The following LRRC43 variants were observed in gnomAD, a reference collection of about 807,000 sequenced individuals.
The protein encoded by LRRC43 is leucine-rich repeat-containing protein 43.
In LRRC43, 62 loss-of-function variants were observed where a neutral mutation model predicts 64.3. The observed-to-expected ratio is 0.96, with a 90% CI of 0.79 to 1.19. The LOEUF (loss-of-function observed/expected upper bound fraction) is 1.19, where lower values mean the gene tolerates loss of function less well. LRRC43 is among the 50% of genes most tolerant of loss of function. The probability of loss-of-function intolerance (pLI) is 0.00; values close to 1 mark genes in which losing one functional copy is unlikely to be tolerated. For synonymous variants in LRRC43, 422 were observed against 382.3 expected, an observed-to-expected ratio of 1.10 and a Z score of -1.21; for missense variants, 868 against 845.0, an observed-to-expected ratio of 1.03 and a Z score of -0.34.
chr12:122,200,411 T>A lies in LRRC43; in HGVS notation c.1491+81T>A, dbSNP rs769297586. The A allele has an allele frequency of 1.1e-5, 18 of 1,608,196 alleles. No homozygotes were observed. The highest frequency in any genetic ancestry group is 1.5e-5 in the Non-Finnish European group (18 of 1,176,748). On this transcript the variant is annotated intron_variant, in intron 8 of 11. Transcript: ENST00000339777. The surrounding 1 kb of genome is among the most constrained non-coding windows in gnomAD (Gnocchi z 4.6). The stretch of plus-strand genomic sequence containing the variant: ...CCTGTTCCCATCGGGCTGTCCCCCA[T>A]GGGAGCCGCACTCCCTGGTTAGATG...
In LRRC43 at chr12:122,184,126, G is replaced by A. The variant is rs1241116952; in HGVS notation, c.151-393G>A. Among the ~76,000 whole-genome samples the A allele has an allele frequency of 5.6e-5, 8 of 142,290 alleles. No individual in the cohort carries two copies. In the East Asian group the frequency reaches 1.4e-3, roughly 26 times the overall value. The allele number at this position is 142,290 out of a possible 152,430, so 93.3% of individuals were successfully genotyped here. ...TTTTTTTTTTTTGAGACGGAGTCTC[G>A]CTCTGTCACCCAGCCTGGAGTGCAG... On this transcript the variant is annotated intron_variant, in intron 1 of 11. Transcript: ENST00000339777. The surrounding 1 kb of genome is among the most constrained non-coding windows in gnomAD (Gnocchi z 4.0).
rs554837562 is a variant in LRRC43, at chr12:122,192,682, C to G, written c.1090-63C>G. Reference sequence around the variant, plus strand: ...TCGGGAGCTGTGTTACAGACACCCCCGGCATCAGCTGAGCACATCCTGAAG... The same window carrying G: ...TCGGGAGCTGTGTTACAGACACCCCGGGCATCAGCTGAGCACATCCTGAAG... On this transcript the variant is annotated intron_variant, in intron 6 of 11. Transcript: ENST00000339777. The G allele has an allele frequency of 8.2e-6, 13 of 1,577,946 alleles. No individual in the cohort carries two copies. The Admixed American group carries it at 8.4e-5, about 10-fold the overall frequency.
In LRRC43 at chr12:122,200,300, G is replaced by C. The variant is rs150153906; in HGVS notation, c.1461G>C (p.Ala487=). Residue 487 remains alanine, a synonymous_variant, in exon 8 of 12, where the codon GCG becomes GCC. Coordinates refer to ENST00000339777, the MANE Select transcript of LRRC43 (RefSeq NM_001098519.2). The surrounding 1 kb of genome is among the most constrained non-coding windows in gnomAD (Gnocchi z 4.6). ...TCCCACTGAAGGCCTTCCTGCTGGC[G>C]GGGACCACCGTGACCATCGTGGAGG... ...DLVPLKAFLL[A]GTTVTIVEEK... The C allele has an allele frequency of 2.5e-6, 4 of 1,611,960 alleles. No homozygotes were observed. The highest frequency in any genetic ancestry group is 3.4e-6 in the Non-Finnish European group (4 of 1,179,984).
chr12:122,189,310 G>C, intron 4 of LRRC43: 1 of 417,072 alleles, frequency 2.4e-6, no homozygotes, highest in Non-Finnish European at 4.8e-6. Flanking sequence ...CCCTTGGGGG[G>C]TCCAACCCTC....
At chr12:122,170,629 A>G (rs1306778768) in intron 1 of LRRC43, among the ~76,000 whole-genome samples, 2 of 152,036 alleles carry the variant, frequency 1.3e-5, no homozygotes, top group African/African-American at 4.8e-5. Context: ...AGACTCTCCG[A>G]AGGAAAAAAA....
At position 122,175,333 on chromosome 12, in the gene LRRC43, C is replaced by A. The variant is rs573020390; in HGVS notation, c.-406+7551C>A. The stretch of plus-strand genomic sequence containing the variant: ...TACAGGCGCCCACCACCACGCACAG[C>A]TAATTTTTGTATTTTTAGTAGAGAC... On this transcript the variant is annotated intron_variant, in intron 1 of 5. Transcript: ENST00000537729. Among the ~76,000 whole-genome samples the A allele has an allele frequency of 2.1e-3, 319 of 151,840 alleles. 1 individual carries two copies. Among genetic ancestry groups the A allele is most frequent in the African/African-American group, 7.2e-3 (300 of 41,398 alleles).
intron 11 of LRRC43, among the ~76,000 whole-genome samples, chr12:122,202,968 T>A (rs1263835748): frequency 6.6e-6 from 1 of 152,036 alleles, no homozygotes; most frequent in Admixed American, 6.6e-5. Context: ...GACAGGCGCC[T>A]GTAATCCCAG....
intron 4 of LRRC43, 148 bp from the exon 5 acceptor site, chr12:122,189,982 G>A (rs1278191259): frequency 1.4e-6 from 1 of 716,118 alleles, no homozygotes; most frequent in African/African-American, 1.7e-5. Context: ...CCGACCCGGG[G>A]TTAACTTGGG....
In LRRC43 at chr12:122,187,837, A is replaced by G; in HGVS notation, c.659A>G (p.His220Arg). Residue 220 changes from histidine (H) to arginine (R), a missense_variant, in exon 4 of 12, where the codon CAC (histidine) becomes CGC (arginine). Coordinates refer to ENST00000339777, the MANE Select transcript of LRRC43 (RefSeq NM_001098519.2). ...GAAAGTCTCTACGTCACCGCTAATCACTGGTAACTCGGGAGCCCAGATGGA... is the reference window on the plus strand; with the variant it reads ...GAAAGTCTCTACGTCACCGCTAATCGCTGGTAACTCGGGAGCCCAGATGGA... ...PLESLYVTAN[H>R]WPNLVSLDLG... is the part of the protein sequence containing the mutation. 6.2e-7 allele frequency: 1 copy of G among 1,613,918 alleles called. No homozygotes were observed. The highest frequency in any genetic ancestry group is 1.1e-5 in the South Asian group (1 of 91,082).
chr12:122,200,539 C>T lies in LRRC43; in HGVS notation c.1499C>T (p.Ser500Phe), dbSNP rs1156485047. 9 of 1,614,120 alleles carry T rather than the reference C, an allele frequency of 5.6e-6. No homozygotes were observed. Among genetic ancestry groups the T allele is most frequent in the Non-Finnish European group, 7.6e-6 (9 of 1,180,022 alleles). Residue 500 changes from serine to phenylalanine, a missense_variant, in exon 9 of 12, where the codon TCC (serine) becomes TTC (phenylalanine). Physicochemically the swap from Ser to Phe is radical, Grantham distance 155. Transcript: ENST00000339777. This position sits in a 1 kb window ranked among gnomAD's most constrained non-coding sequence, Gnocchi z 4.6. ...ATTCTCTCCTGCCCCTAGATTCTCT[C>T]CTGGCCTGTGGTGCTACCTGCTGTT... ...TVTIVEEKILSWPVVLPAVDS... is the reference protein window; with the variant it reads ...TVTIVEEKILFWPVVLPAVDS...
upstream of LRRC43, among the ~76,000 whole-genome samples, chr12:122,182,450 A>G (rs1397326579): frequency 7.7e-6 from 1 of 129,384 alleles, no homozygotes; most frequent in Non-Finnish European, 1.6e-5. Flanking sequence ...TGAATCTGGG[A>G]GGCGGAGGTT....
In LRRC43 at chr12:122,203,445, C is replaced by T; in HGVS notation, c.*3C>T. On this transcript the variant is annotated 3_prime_UTR_variant, in exon 12 of 12. Transcript: ENST00000339777. ...CTCTGCGCATGTTCGCCGTGTAGGG[C>T]GTGGGCAGTAAAGGCTGTTCCCAGC... 6.8e-6 allele frequency: 11 copies of T among 1,609,124 alleles called. No homozygotes were observed. The highest frequency in any genetic ancestry group is 9.3e-6 in the Non-Finnish European group (11 of 1,179,230).
chr12:122,203,245 G>C, intron 11 of LRRC43, 70 bp from the exon 12 acceptor site: 2 of 1,561,506 alleles, frequency 1.3e-6, no homozygotes, highest in Non-Finnish European at 1.7e-6. Context: ...CATATGGGAT[G>C]GGTCAGGGCG....
chr12:122,172,144 C>A, intron 1 of LRRC43: 1 of 338,330 alleles, frequency 3.0e-6, no homozygotes, highest in Non-Finnish European at 5.4e-6. Flanking sequence ...CACCTCCCAC[C>A]CTCACGAGGG....
intron 7 of LRRC43, among the ~76,000 whole-genome samples, chr12:122,193,806 C>T (rs1208644183): frequency 1.3e-5 from 2 of 152,158 alleles, no homozygotes; most frequent in Non-Finnish European, 1.5e-5. Flanking sequence ...GTGATCTGCC[C>T]GCCTCAGCCT....
intron 1 of LRRC43, among the ~76,000 whole-genome samples, 189 bp downstream of exon 1, chr12:122,183,483 C>T (rs1294177778): frequency 1.3e-5 from 2 of 152,116 alleles, no homozygotes; most frequent in African/African-American, 2.4e-5. Context: ...GGGAGGAGAG[C>T]GGGGCCCGTC....
chr12:122,199,278 C>CTTTTTTTTTT (rs1165454881), intron 7 of LRRC43, among the ~76,000 whole-genome samples: 2 of 86,154 alleles, frequency 2.3e-5, no homozygotes, highest in African/African-American at 1.1e-4. Flanking sequence ...ATTGTTTCAG[C>CTTTTTTTTTT]TTTTTTTTTT....
At chr12:122,185,683 G>A (rs12317677) in intron 2 of LRRC43, among the ~76,000 whole-genome samples, 1 of 152,232 alleles carries the variant, frequency 6.6e-6, no homozygotes, top group Non-Finnish European at 1.5e-5. Context: ...TTCAGTTTCA[G>A]TGCAGAAGGT....
intron 3 of LRRC43, 79 bp downstream of exon 3, chr12:122,186,379 T>G: frequency 1.1e-6 from 1 of 875,538 alleles, no homozygotes; most frequent in Non-Finnish European, 1.8e-6. Context: ...CCACATAGTG[T>G]GGCCAGCATG....
Sources: gnomAD v4.1 joint callset for allele counts (sites outside exome capture counted in the v4.1 genomes callset) on GRCh38, gnomAD v4.1.1 for gene constraint, Gnocchi (gnomAD v3.1) non-coding constraint, MANE v1.5 for transcripts, NCBI Gene and HGNC (gene_info 2026-07-23, HGNC 2026-07-21) for gene names.